Variants in PCDH9 observed in about 807,000 individuals in gnomAD.
PCDH9 encodes protocadherin-9.
In PCDH9, 24 loss-of-function variants were observed where a neutral mutation model predicts 70.6. The ratio of observed to expected loss-of-function variants is 0.34; its 90% confidence interval spans 0.25 to 0.48. The LOEUF is 0.48. Ranked by LOEUF, PCDH9 falls within the 20% of genes least tolerant of loss-of-function variation. The pLI is 0.99. For missense variants in PCDH9, 1,281 were observed against 1,503.6 expected (o/e 0.85, Z 2.45); for synonymous variants, 562 against 558.5 (o/e 1.01, Z -0.09).
intron 3 of PCDH9, among the ~76,000 whole-genome samples, chr13:66,633,991 T>C (rs1199301754): frequency 6.6e-6 from 1 of 152,214 alleles, no homozygotes; most frequent in African/African-American, 2.4e-5. Flanking sequence ...TAAAACATTG[T>C]TTTCCAAAAC....
intron 3 of PCDH9, among the ~76,000 whole-genome samples, chr13:66,779,535 C>T (rs1265852558): frequency 6.6e-6 from 1 of 151,956 alleles, no homozygotes; most frequent in African/African-American, 2.4e-5. Flanking sequence ...AAAATATGTC[C>T]AATATGGCTG....
chr13:66,800,441 T>C (rs2080308998), intron 3 of PCDH9, among the ~76,000 whole-genome samples: 1 of 152,112 alleles, frequency 6.6e-6, no homozygotes, highest in Admixed American at 6.6e-5. Flanking sequence ...CCTGAAAATA[T>C]ATGATACATA....
At chr13:67,114,408 G>T (rs1032560313) in intron 2 of PCDH9, among the ~76,000 whole-genome samples, 18 of 152,072 alleles carry the variant, frequency 1.2e-4, no homozygotes, top group African/African-American at 4.1e-4. Context: ...AGTAGACAAA[G>T]CTCAAAGTTT....
At chr13:66,688,712 T>G (rs2078439955) in intron 3 of PCDH9, among the ~76,000 whole-genome samples, 1 of 152,146 alleles carries the variant, frequency 6.6e-6, no homozygotes, top group African/African-American at 2.4e-5. Context: ...GTCATCAAAT[T>G]ATAGAAACTT....
intron 2 of PCDH9, chr13:67,207,023 T>C (rs1277749708): frequency 1.3e-5 from 2 of 152,154 alleles, no homozygotes; most frequent in African/African-American, 4.8e-5. Context: ...TGCTAATTTC[T>C]ACTTTTCACA....
chr13:66,355,271 A>T (rs1481999767), intron 4 of PCDH9, among the ~76,000 whole-genome samples: 1 of 152,074 alleles, frequency 6.6e-6, no homozygotes, highest in Non-Finnish European at 1.5e-5. Context: ...ACAAAACTCA[A>T]TATCACCCTT....
chr13:66,489,159 G>C lies in PCDH9; in HGVS notation c.3340+142051C>G, dbSNP rs147788918. Among the ~76,000 whole-genome samples the C allele has an allele frequency of 6.9e-3, 1,050 of 152,124 alleles. 34 individuals carry two copies. The East Asian group carries it at 0.092, about 13-fold the overall frequency. On this transcript the variant is annotated intron_variant, in intron 4 of 4. Coordinates refer to ENST00000377865, the MANE Select transcript of PCDH9 (RefSeq NM_203487.3). ...TTGTCTTTAACTTTATTTTTTTGAT[G>C]TTTGGAATTAGCCATTATGTTTCTA...
chr13:66,395,361 GGGAGTCCGA>G (rs1358589210), intron 4 of PCDH9, among the ~76,000 whole-genome samples: 2 of 152,132 alleles, frequency 1.3e-5, no homozygotes, highest in Non-Finnish European at 2.9e-5. Flanking sequence ...CCAGCACTTT[GGGAGTCCGA>G]GGCAGGTGGA....
At chr13:66,874,273 A>AT (rs1163238712) in intron 3 of PCDH9, among the ~76,000 whole-genome samples, 1 of 151,966 alleles carries the variant, frequency 6.6e-6, no homozygotes, top group African/African-American at 2.4e-5. Flanking sequence ...TCTTAACATC[A>AT]TTTTTTCAGC....
At chr13:66,928,752 C>A (rs947781688) in intron 2 of PCDH9, among the ~76,000 whole-genome samples, 28 of 152,102 alleles carry the variant, frequency 1.8e-4, no homozygotes, top group Non-Finnish European at 3.8e-4. Context: ...ATTTGAACCT[C>A]CAAGCCTCCA....
At chr13:67,043,608 TAGAC>T (rs551529769) in intron 2 of PCDH9, among the ~76,000 whole-genome samples, 10 of 152,270 alleles carry the variant, frequency 6.6e-5, no homozygotes, top group East Asian at 1.9e-4. Flanking sequence ...ATTAAAATAA[TAGAC>T]AGACATCTAG....
chr13:66,556,201 T>C (rs941076323), intron 4 of PCDH9, among the ~76,000 whole-genome samples: 8 of 151,918 alleles, frequency 5.3e-5, no homozygotes, highest in Admixed American at 1.3e-4. Context: ...TAGCACCGTG[T>C]TTTTTGACTC....
intron 3 of PCDH9, among the ~76,000 whole-genome samples, chr13:66,638,765 G>GA (rs2077672697): frequency 6.6e-6 from 1 of 152,222 alleles, no homozygotes; most frequent in South Asian, 2.1e-4. Context: ...GAGTAGAAAC[G>GA]AAATATTATT....
intron 4 of PCDH9, among the ~76,000 whole-genome samples, chr13:66,367,200 C>A (rs1956567379): frequency 6.6e-6 from 1 of 151,912 alleles, no homozygotes; most frequent in South Asian, 2.1e-4. Context: ...TCTCCTTCAC[C>A]TTCAGCAACA....
intron 4 of PCDH9, among the ~76,000 whole-genome samples, chr13:66,561,135 T>C (rs1347800516): frequency 2.0e-5 from 3 of 152,216 alleles, no homozygotes; most frequent in Non-Finnish European, 2.9e-5. Context: ...GGTGGCCGTG[T>C]GCTGGGCAGG....
At chr13:66,885,428 T>C (rs1198128584) in intron 3 of PCDH9, among the ~76,000 whole-genome samples, 1 of 152,216 alleles carries the variant, frequency 6.6e-6, no homozygotes, top group East Asian at 1.9e-4. Flanking sequence ...AGTACATGTA[T>C]GTTAAATTGA....
At chr13:66,644,491 A>G (rs975254718) in intron 3 of PCDH9, among the ~76,000 whole-genome samples, 8 of 152,004 alleles carry the variant, frequency 5.3e-5, no homozygotes, top group African/African-American at 1.7e-4. Context: ...TGTAGTAAAA[A>G]TAACAGACTT....
Position 67,072,403 on chromosome 13 carries a change from G to A in PCDH9, c.3036+153002C>T, listed in dbSNP as rs190070561. Among the ~76,000 whole-genome samples the A allele has an allele frequency of 2.5e-3, 387 of 152,164 alleles. 2 individuals carry two copies. The highest frequency in any genetic ancestry group is 8.8e-3 in the African/African-American group (365 of 41,520). On this transcript the variant is annotated intron_variant, in intron 2 of 4. Transcript: ENST00000377865. The stretch of plus-strand genomic sequence containing the variant: ...GTCCCTGCATTTTTCCCATTAGATC[G>A]TACCCTCTTGACTGCCAATCACACT...
chr13:66,357,813 A>G (rs1272208303), intron 4 of PCDH9, among the ~76,000 whole-genome samples: 6 of 152,248 alleles, frequency 3.9e-5, no homozygotes, highest in African/African-American at 1.4e-4. Flanking sequence ...TTAGATAGCT[A>G]TAACAACTTC....
Sources: allele counts gnomAD v4.1 joint callset (sites outside exome capture counted in the v4.1 genomes callset), GRCh38; gene constraint gnomAD v4.1.1; transcripts MANE v1.5; gene names NCBI Gene and HGNC (gene_info 2026-07-23, HGNC 2026-07-21).